The following NECTIN1 variants were observed in gnomAD, a reference collection of about 807,000 sequenced individuals.
The protein encoded by NECTIN1 is nectin cell adhesion molecule 1, also known as nectin-1.
NECTIN1 carries 23 observed loss-of-function variants against 48.0 expected under a neutral mutation model. That is an observed-to-expected ratio of 0.48 (90% CI 0.34 to 0.68). The LOEUF (loss-of-function observed/expected upper bound fraction) is 0.68, where lower values mean the gene tolerates loss of function less well. Among genes scored for constraint, NECTIN1 ranks in the 30% least tolerant of loss-of-function variants. The probability of loss-of-function intolerance (pLI) is 0.01; values close to 1 mark genes in which losing one functional copy is unlikely to be tolerated. For missense variants in NECTIN1, 591 were observed against 709.9 expected (o/e 0.83, Z 1.90); for synonymous variants, 270 against 288.9 (o/e 0.93, Z 0.66).
At chr11:119,713,740 C>A (rs538811060) in intron 1 of NECTIN1, 2 of 429,934 alleles carry the variant, frequency 4.7e-6, no homozygotes, top group East Asian at 1.4e-4. Context: ...TGTCCTCTGG[C>A]CCACCCAGTC....
intron 5 of NECTIN1, among the ~76,000 whole-genome samples, chr11:119,644,579 G>C (rs1261532283): frequency 1.3e-5 from 2 of 152,220 alleles, no homozygotes; most frequent in African/African-American, 4.8e-5. Flanking sequence ...GGTGTGAGGG[G>C]CTTGCCCCCT....
At position 119,672,807 on chromosome 11, in the gene NECTIN1, C is replaced by G. The variant is rs1307998463; in HGVS notation, c.1003+2352G>C. Among the ~76,000 whole-genome samples, 1 of 152,196 alleles carries G rather than the reference C, an allele frequency of 6.6e-6. No individual in the cohort carries two copies. ...TCCAGCCCTGCCTACTCACTCATCT[C>G]CCAGCAACCACTCAGTGCTCCTTCC... On this transcript the variant is annotated intron_variant, in intron 5 of 5. Transcript: ENST00000264025. The surrounding 1 kb of genome is among the most constrained non-coding windows in gnomAD (Gnocchi z 4.3).
chr11:119,712,449 C>T lies in NECTIN1; in HGVS notation c.79+16026G>A, dbSNP rs75954253. ...AAGATCACTTGGGAGACAGGGGCCT[C>T]ACCTGTTTTGAGGCCAGTTCATCCA... On this transcript the variant is annotated intron_variant, in intron 1 of 5. Coordinates refer to ENST00000264025, the MANE Select transcript of NECTIN1 (RefSeq NM_002855.5). Among the ~76,000 whole-genome samples the T allele has an allele frequency of 4.0e-4, 60 of 150,392 alleles. No homozygotes were observed. In the East Asian group the frequency reaches 0.012, roughly 29 times the overall value.
At position 119,663,737 on chromosome 11, in the gene NECTIN1, G is replaced by A. The variant is rs753927024; in HGVS notation, c.*1010C>T. ...AGGGAGAAATCAGAGAAACCTCCAC[G>A]CTGTAAGAAGCAGTTTGGGGCAGGC... is the stretch of plus-strand genomic sequence containing the variant. On this transcript the variant is annotated 3_prime_UTR_variant, in exon 6 of 6. Coordinates refer to ENST00000264025, the MANE Select transcript of NECTIN1 (RefSeq NM_002855.5). 15 of 985,370 alleles carry A rather than the reference G, an allele frequency of 1.5e-5. No homozygotes were observed. The highest frequency in any genetic ancestry group is 5.2e-5 in the African/African-American group (3 of 57,236). The allele number at this position is 985,370 out of a possible 1,614,324, so 61.0% of individuals were successfully genotyped here. A position where few individuals can be genotyped will look rare whatever the true frequency, so the allele number is the denominator to read the frequency against.
Position 119,683,904 on chromosome 11 carries a change from TGCTGAGC to T in NECTIN1, c.80-5146_80-5140del, listed in dbSNP as rs1380227721. Among the ~76,000 whole-genome samples, 134 of 152,180 alleles carry T rather than the reference TGCTGAGC, an allele frequency of 8.8e-4. No individual in the cohort carries two copies. The highest frequency in any genetic ancestry group is 1.5e-4 in the Non-Finnish European group (10 of 68,008). On this transcript the variant is annotated intron_variant, in intron 1 of 5. Transcript: ENST00000264025. This position sits in a 1 kb window ranked among gnomAD's most constrained non-coding sequence, Gnocchi z 4.0. The stretch of plus-strand genomic sequence containing the variant: ...TTCAGGCTGCCTCACTTCCCAGAAG[TGCTGAGC>T]CAGCATGACGGGCCTCAGGCCGGCC...
chr11:119,686,882 C>A (rs529697444), intron 1 of NECTIN1, among the ~76,000 whole-genome samples: 38 of 152,286 alleles, frequency 2.5e-4, no homozygotes, highest in African/African-American at 9.1e-4. Flanking sequence ...TTGGAAAAGG[C>A]CAGGACTTGA....
Position 119,648,280 on chromosome 11 carries a change from GTGGTGGTGA to G in NECTIN1, c.1004-8277_1004-8269del, listed in dbSNP as rs1864430141. 6.9e-5 allele frequency among the ~76,000 whole-genome samples: 3 copies of G among 43,760 alleles called. 1 individual carries two copies. Among genetic ancestry groups the G allele is most frequent in the Admixed American group, 5.7e-4 (2 of 3,506 alleles). 28.7% of individuals were successfully genotyped at this position (43,760 alleles called of 152,430 possible). A position where few individuals can be genotyped will look rare whatever the true frequency, so the allele number is the denominator to read the frequency against. On this transcript the variant is annotated intron_variant, in intron 5 of 7. Transcript: ENST00000341398. ...GGTGGTAATAGTGGTGGTGGTGATG[GTGGTGGTGA>G]TGGTGGTGGTGGTGGTGATGGTGGT...
intron 7 of NECTIN1, chr11:119,638,376 G>A: frequency 4.8e-6 from 6 of 1,246,412 alleles, no homozygotes; most frequent in Non-Finnish European, 6.8e-6. Flanking sequence ...CCCCCACACT[G>A]GTGACTGTCT....
At chr11:119,651,221 CT>C (rs1336744864) in intron 5 of NECTIN1, among the ~76,000 whole-genome samples, 1 of 152,192 alleles carries the variant, frequency 6.6e-6, no homozygotes, top group East Asian at 1.9e-4. Flanking sequence ...AGTCAGGGAA[CT>C]TTGGGTACTG....
intron 1 of NECTIN1, among the ~76,000 whole-genome samples, chr11:119,722,793 G>A (rs1035765782): frequency 1.3e-5 from 2 of 152,250 alleles, no homozygotes; most frequent in East Asian, 1.9e-4. Flanking sequence ...ACGAGTAGCA[G>A]ACTCAGAGGG....
chr11:119,671,313 G>T (rs1314552380), intron 5 of NECTIN1, among the ~76,000 whole-genome samples: 1 of 152,054 alleles, frequency 6.6e-6, no homozygotes, highest in East Asian at 2.0e-4. Context: ...GTGTTTGCTG[G>T]CAGGGGCCCA....
At chr11:119,644,300 G>A (rs1367828233) in intron 5 of NECTIN1, among the ~76,000 whole-genome samples, 1 of 152,198 alleles carries the variant, frequency 6.6e-6, no homozygotes. Flanking sequence ...GCTCTTCCAG[G>A]AACAGCTCTA....
At chr11:119,701,464 C>T (rs149241443) in intron 1 of NECTIN1, among the ~76,000 whole-genome samples, 3 of 152,176 alleles carry the variant, frequency 2.0e-5, no homozygotes, top group African/African-American at 4.8e-5. Context: ...GGCAAGTGGA[C>T]AAAATGCATT....
chr11:119,657,501 G>T (rs1864593483), downstream of NECTIN1, among the ~76,000 whole-genome samples: 1 of 151,098 alleles, frequency 6.6e-6, no homozygotes, highest in Admixed American at 6.6e-5. Flanking sequence ...TGTAGTCCCA[G>T]CTATTGGGGA....
At chr11:119,653,542 G>A (rs1342670147) in intron 5 of NECTIN1, among the ~76,000 whole-genome samples, 2 of 152,152 alleles carry the variant, frequency 1.3e-5, no homozygotes, top group Non-Finnish European at 2.9e-5. Context: ...GCGAGACGAC[G>A]TCAATCAGAG....
chr11:119,646,690 T>C (rs1305823894), intron 5 of NECTIN1, among the ~76,000 whole-genome samples: 1 of 152,192 alleles, frequency 6.6e-6, no homozygotes, highest in Admixed American at 6.5e-5. Flanking sequence ...CCAGGCAACC[T>C]GGTTCTCAGT....
chr11:119,692,429 G>A (rs1024372939), intron 1 of NECTIN1, among the ~76,000 whole-genome samples: 1 of 151,714 alleles, frequency 6.6e-6, no homozygotes, highest in Non-Finnish European at 1.5e-5. Context: ...GTGTGTGTGT[G>A]TGGGTGGCGG....
intron 5 of NECTIN1, among the ~76,000 whole-genome samples, chr11:119,670,236 A>AAAGT (rs1359535709): frequency 6.6e-6 from 1 of 152,210 alleles, no homozygotes; most frequent in Non-Finnish European, 1.5e-5. Flanking sequence ...CTGGGATTAC[A>AAAGT]GGTGTGAGCC....
Position 119,674,322 on chromosome 11 carries a change from A to G in NECTIN1, c.1003+837T>C, listed in dbSNP as rs144513385. 660 of 1,348,178 alleles carry G rather than the reference A, an allele frequency of 4.9e-4. 4 individuals are homozygous for G. In the African/African-American group the frequency reaches 8.5e-3, roughly 17 times the overall value. 83.5% of individuals were successfully genotyped at this position (1,348,178 alleles called of 1,614,324 possible). ...GCTCCCCATGTGAAGTTGTGATGGCAGTTTACCCCTGTGTGGACTTGTTTT... is the reference window on the plus strand; with the variant it reads ...GCTCCCCATGTGAAGTTGTGATGGCGGTTTACCCCTGTGTGGACTTGTTTT... On this transcript the variant is annotated intron_variant, in intron 5 of 5. Coordinates refer to ENST00000264025, the MANE Select transcript of NECTIN1 (RefSeq NM_002855.5).
Sources: allele counts gnomAD v4.1 joint callset (sites outside exome capture counted in the v4.1 genomes callset), GRCh38; gene constraint gnomAD v4.1.1; non-coding constraint Gnocchi (gnomAD v3.1); transcripts MANE v1.5; gene names NCBI Gene and HGNC (gene_info 2026-07-23, HGNC 2026-07-21).